RPL6: variants seen among roughly 807,000 people sequenced by gnomAD.
The protein encoded by RPL6 is ribosomal protein L6.
In RPL6, 1 loss-of-function variant was observed where a neutral mutation model predicts 32.1. That is an observed-to-expected ratio of 0.03 (90% CI 0.01 to 0.15). The LOEUF (loss-of-function observed/expected upper bound fraction) is 0.15. RPL6 is among the 10% of genes least tolerant of loss of function. The pLI is 1.00. For synonymous variants in RPL6, 126 were observed against 131.6 expected, an observed-to-expected ratio of 0.96 and a Z score of 0.29; for missense variants, 275 against 354.6, an observed-to-expected ratio of 0.78 and a Z score of 1.80.
chr12:112,410,114 C>T (rs1183148112), upstream of RPL6, among the ~76,000 whole-genome samples: 1 of 151,494 alleles, frequency 6.6e-6, no homozygotes, highest in African/African-American at 2.4e-5. Flanking sequence ...GGAAATAGAG[C>T]CAGACTCAGT....
intron 2 of RPL6, 36 bp downstream of exon 2, chr12:112,408,384 G>A (rs762485111): frequency 1.9e-6 from 3 of 1,613,446 alleles, no homozygotes; most frequent in African/African-American, 2.7e-5. Context: ...GCCAATTAAG[G>A]TTAAGACATA....
upstream of RPL6, among the ~76,000 whole-genome samples, chr12:112,409,839 C>T (rs370618280): frequency 2.4e-4 from 36 of 150,708 alleles, no homozygotes; most frequent in African/African-American, 8.8e-4. Context: ...GGTGAAATCC[C>T]GTCTCTACTA....
rs750822282 is a variant in RPL6, at chr12:112,408,610, G to C, written c.47C>G (p.Pro16Arg). 44 of 1,585,364 alleles carry C rather than the reference G, an allele frequency of 2.8e-5. No homozygotes were observed. Among genetic ancestry groups the C allele is most frequent in the Non-Finnish European group, 3.5e-5 (41 of 1,173,774 alleles). Residue 16 changes from proline to arginine, a missense_variant, in exon 2 of 7, where the codon CCC becomes CGC. Transcript: ENST00000202773. The stretch of plus-strand genomic sequence containing the variant: ...ACCAGCATCAACCTTCTTGGCTTCG[G>C]GTTTCTTCTCTTTAGTATCTGGCTT... The part of the protein sequence containing the change: ...VEKPDTKEKK[P>R]EAKKVDAGGK...
upstream of RPL6, among the ~76,000 whole-genome samples, chr12:112,414,676 G>A (rs1448812460): frequency 6.6e-6 from 1 of 152,106 alleles, no homozygotes; most frequent in African/African-American, 2.4e-5. Flanking sequence ...GGCCGAGTCG[G>A]GTGGATCACG....
exon 1 of RPL6, chr12:112,418,796 C>T: frequency 2.2e-6 from 1 of 455,018 alleles, no homozygotes; most frequent in Non-Finnish European, 3.9e-6. Context: ...TCCGCGGAGC[C>T]CCCGCGCTGC....
At chr12:112,414,686 G>A (rs563949420), upstream of RPL6, among the ~76,000 whole-genome samples, 3 of 152,018 alleles carry the variant, frequency 2.0e-5, no homozygotes, top group South Asian at 4.2e-4. Flanking sequence ...GGTGGATCAC[G>A]AGGTCAGGAG....
intron 1 of RPL6, 99 bp downstream of exon 1, chr12:112,409,488 C>T (rs2037293489): frequency 2.5e-6 from 1 of 398,660 alleles, no homozygotes; most frequent in Non-Finnish European, 4.4e-6. Context: ...TTGGACATGT[C>T]CGACCCCTGT....
chr12:112,412,787 GGTGGT>G (rs2037356334), upstream of RPL6, among the ~76,000 whole-genome samples: 1 of 152,056 alleles, frequency 6.6e-6, no homozygotes, highest in South Asian at 2.1e-4. Context: ...AGCCAGGCAT[GGTGGT>G]GCATGCCTGT....
rs528164151 is a variant in RPL6 at position 112,407,018 on chromosome 12, A to C, written c.337-128T>G. 57 of 924,694 alleles carry C rather than the reference A, an allele frequency of 6.2e-5. 1 individual carries two copies. The South Asian group carries it at 1.1e-3, about 19-fold the overall frequency. 57.3% of individuals were successfully genotyped at this position (924,694 alleles called of 1,614,324 possible). On this transcript the variant is annotated intron_variant, in intron 3 of 6. Transcript: ENST00000202773. ...TATAATACTGTATTTATATGATTCC[A>C]TTTTCATTTCTGCTAAGTAGACTTG... is the stretch of plus-strand genomic sequence containing the variant.
At chr12:112,418,762 G>T in exon 1 of RPL6, 1 of 406,610 alleles carries the variant, frequency 2.5e-6, no homozygotes. Flanking sequence ...AAGCAAGGAT[G>T]CTTTGGACAC....
chr12:112,409,175 C>A, intron 1 of RPL6: 1 of 323,034 alleles, frequency 3.1e-6, no homozygotes, highest in Non-Finnish European at 5.6e-6. Context: ...AGGCGACTTC[C>A]GGTCGGGGAC....
Position 112,415,997 on chromosome 12 carries a change from C to T in RPL6, c.-229+2731G>A, listed in dbSNP as rs185731669. Among the ~76,000 whole-genome samples, 975 of 137,712 alleles carry T rather than the reference C, an allele frequency of 7.1e-3. 10 individuals are homozygous for T. The highest frequency in any genetic ancestry group is 0.012 in the Non-Finnish European group (765 of 65,574). 90.3% of individuals were successfully genotyped at this position (137,712 alleles called of 152,430 possible). A position where few individuals can be genotyped will look rare whatever the true frequency, so the allele number is the denominator to read the frequency against. ...TTTTTGAGATGGAGTCTCGCTCCGA[C>T]GCCCAGGTGGGAGTGCAGTGGCGCA... is the stretch of plus-strand genomic sequence containing the variant. On this transcript the variant is annotated intron_variant, in intron 1 of 5. Transcript: ENST00000551291.
rs1287724385 is a variant in RPL6, at chr12:112,405,219, G to A, written c.*5C>T. The A allele has an allele frequency of 6.4e-7, 1 of 1,558,056 alleles. No individual in the cohort carries two copies. Among genetic ancestry groups the A allele is most frequent in the Non-Finnish European group, 8.6e-7 (1 of 1,156,890 alleles). ...GTCAGCTATTTAATTAGGTTCTTAA[G>A]ACATTTAGAACACCAATTTGTGAGG... On this transcript the variant is annotated 3_prime_UTR_variant, in exon 7 of 7. Transcript: ENST00000202773.
chr12:112,415,004 A>G (rs2037388073), upstream of RPL6, among the ~76,000 whole-genome samples: 1 of 152,264 alleles, frequency 6.6e-6, no homozygotes. Context: ...TTCTAAGGAT[A>G]GGTGTCTTGG....
chr12:112,418,818 G>A (rs2037463623), exon 1 of RPL6: 2 of 473,074 alleles, frequency 4.2e-6, no homozygotes, highest in East Asian at 7.6e-5. Flanking sequence ...ATTCCCGGCC[G>A]TCGCTCGGTC....
chr12:112,408,360 A>G, intron 2 of RPL6, 22 bp from the exon 3 acceptor site: 1 of 1,613,492 alleles, frequency 6.2e-7, no homozygotes, highest in Non-Finnish European at 8.5e-7. Flanking sequence ...CAAATGCATC[A>G]ACAGTAAGAG....
In RPL6 at chr12:112,405,860, T is replaced by A; in HGVS notation, c.707A>T (p.Glu236Val). The A allele has an allele frequency of 6.2e-7, 1 of 1,611,184 alleles. No individual in the cohort carries two copies. The highest frequency in any genetic ancestry group is 8.5e-7 in the Non-Finnish European group (1 of 1,178,662). Residue 236 changes from glutamate to valine, a missense_variant, in exon 6 of 7, where the codon GAA becomes GTA. Physicochemically the swap from Glu to Val is moderately radical, Grantham distance 121. Coordinates refer to ENST00000202773, the MANE Select transcript of RPL6 (RefSeq NM_000970.6). ...TGACAAGTAGAAACTTACCTCTTTT[T>A]CTGTGTCGAAGATCTCACCTTCCTG... is the stretch of plus-strand genomic sequence containing the variant. ...RHQEGEIFDT[E>V]KEKYEITEQR...
rs2037129326 is a variant in RPL6, at chr12:112,405,347, A to C, written c.744T>G (p.Ile248Met). The change falls in exon 7 of 7, where the codon ATT becomes ATG. Residue 248 changes from isoleucine (I) to methionine (M), a missense_variant. Ile to Met is a conservative substitution (Grantham distance 10, BLOSUM62 1). Transcript: ENST00000202773. ...EKYEITEQRK[I>M]DQKAVDSQIL... ...TTTGTGAGTCCACAGCTTTCTGATC[A>C]ATCTTGCGCTGCTCCGTAATCTCAT... 5.0e-6 allele frequency: 8 copies of C among 1,608,512 alleles called. No homozygotes were observed. The highest frequency in any genetic ancestry group is 5.9e-6 in the Non-Finnish European group (7 of 1,178,904).
intron 1 of RPL6, among the ~76,000 whole-genome samples, chr12:112,417,347 C>G (rs2037425909): frequency 6.6e-6 from 1 of 151,820 alleles, no homozygotes; most frequent in South Asian, 2.1e-4. Context: ...CGTGAGCCAC[C>G]ACGCTCAGCT....
Sources: allele counts gnomAD v4.1 joint callset (sites outside exome capture counted in the v4.1 genomes callset), GRCh38; gene constraint gnomAD v4.1.1; transcripts MANE v1.5; gene names NCBI Gene and HGNC (gene_info 2026-07-23, HGNC 2026-07-21).